Variants in HRH2 observed in about 807,000 individuals in gnomAD.
HRH2 encodes histamine receptor H2, also known as histamine H2 receptor.
A neutral mutation model predicts 20.1 loss-of-function variants in HRH2; 4 were observed. The ratio of observed to expected loss-of-function variants is 0.20; its 90% CI spans 0.10 to 0.45. HRH2 has a LOEUF of 0.45. Ranked by LOEUF, HRH2 falls within the 20% of genes least tolerant of loss-of-function variation. The probability of loss-of-function intolerance (pLI) is 0.99; values close to 1 mark genes in which losing one functional copy is unlikely to be tolerated. For synonymous variants in HRH2, 197 were observed against 200.7 expected, an observed-to-expected ratio of 0.98 and a Z score of 0.16; for missense variants, 250 against 461.6, an observed-to-expected ratio of 0.54 and a Z score of 4.20.
intron 2 of HRH2, among the ~76,000 whole-genome samples, chr5:175,705,400 A>G (rs1172777586): frequency 6.6e-6 from 1 of 152,214 alleles, no homozygotes; most frequent in Non-Finnish European, 1.5e-5. Context: ...ATTTCTTGTA[A>G]TGGTAAAAAA....
Position 175,708,727 on chromosome 5 carries a change from G to A in HRH2, c.*756G>A, listed in dbSNP as rs925408638. On this transcript the variant is annotated 3_prime_UTR_variant, in exon 3 of 3. Coordinates refer to ENST00000636584, the MANE Select transcript of HRH2 (RefSeq NM_001367711.1). ...CACTACACCACCTCTCAGGAGAGAA[G>A]GCAAATATTTCCTTGACTCAGCCAC... 1 of 152,248 alleles carries A rather than the reference G, an allele frequency of 6.6e-6. No homozygotes were observed. The highest frequency in any genetic ancestry group is 1.5e-5 in the Non-Finnish European group (1 of 68,076). The allele number at this position is 152,248 out of a possible 1,614,324, so 9.4% of individuals were successfully genotyped here. A position where few individuals can be genotyped will look rare whatever the true frequency, so the allele number is the denominator to read the frequency against.
chr5:175,664,446 G>A (rs1012378790), intron 1 of HRH2, among the ~76,000 whole-genome samples: 1 of 152,162 alleles, frequency 6.6e-6, no homozygotes, highest in Non-Finnish European at 1.5e-5. Flanking sequence ...GAGCGTCTGG[G>A]TATTCCAGAT....
chr5:175,693,127 AAG>A lies in HRH2; in HGVS notation c.1076+8823_1076+8824del, dbSNP rs1756444387. Among the ~76,000 whole-genome samples, 1 of 152,180 alleles carries A rather than the reference AAG, an allele frequency of 6.6e-6. No homozygotes were observed. Among genetic ancestry groups the A allele is most frequent in the African/African-American group, 2.4e-5 (1 of 41,446 alleles). On this transcript the variant is annotated intron_variant, in intron 2 of 2. Coordinates refer to ENST00000636584, the MANE Select transcript of HRH2 (RefSeq NM_001367711.1). This position sits in a 1 kb window ranked among gnomAD's most constrained non-coding sequence, Gnocchi z 4.4. ...TGAGTCCCAATTTCCCCATCTGTAA[AAG>A]AGAGCTAAGAATTCTGGCAGTTGTC...
intron 1 of HRH2, among the ~76,000 whole-genome samples, chr5:175,660,213 G>A (rs115103220): frequency 1.5e-3 from 235 of 152,286 alleles, no homozygotes; most frequent in African/African-American, 5.2e-3. Flanking sequence ...CCCTGATGAT[G>A]GGGAAAAGGG....
Position 175,683,178 on chromosome 5 carries a change from G to C in HRH2, c.-56G>C. 1 of 1,567,618 alleles carries C rather than the reference G, an allele frequency of 6.4e-7. No individual in the cohort carries two copies. The highest frequency in any genetic ancestry group is 8.7e-7 in the Non-Finnish European group (1 of 1,154,474). On this transcript the variant is annotated 5_prime_UTR_variant, in exon 2 of 3. Transcript: ENST00000636584. ...GGTTGGCATAGTTGTCACATTGGGAGCAGAGAAGAAGCAACCAGGGGCCCT... is the reference window on the plus strand; with the variant it reads ...GGTTGGCATAGTTGTCACATTGGGACCAGAGAAGAAGCAACCAGGGGCCCT...
chr5:175,662,523 G>T (rs1038647106), intron 1 of HRH2, among the ~76,000 whole-genome samples: 1 of 152,080 alleles, frequency 6.6e-6, no homozygotes, highest in Non-Finnish European at 1.5e-5. Context: ...GGTAGCCACA[G>T]GTGTTTACCA....
chr5:175,680,435 T>C (rs1755923760), intron 1 of HRH2, among the ~76,000 whole-genome samples: 1 of 152,208 alleles, frequency 6.6e-6, no homozygotes, highest in African/African-American at 2.4e-5. Flanking sequence ...CACTTCCTGG[T>C]GGAGGGGCTC....
chr5:175,699,461 C>T (rs1756722496), intron 2 of HRH2, among the ~76,000 whole-genome samples: 1 of 152,184 alleles, frequency 6.6e-6, no homozygotes, highest in Admixed American at 6.5e-5. Context: ...CTGCCAGTTC[C>T]CAGGATGCAG....
At chr5:175,684,677 C>A (rs1416222809) in intron 2 of HRH2, among the ~76,000 whole-genome samples, 1 of 152,214 alleles carries the variant, frequency 6.6e-6, no homozygotes, top group Admixed American at 6.5e-5. Context: ...GTTCAACCAA[C>A]CCCTCCAGGA....
At chr5:175,699,572 T>TTTTG (rs568821952) in intron 2 of HRH2, among the ~76,000 whole-genome samples, 72 of 151,276 alleles carry the variant, frequency 4.8e-4, no homozygotes, top group East Asian at 1.9e-3. Context: ...GTTGTTTTTG[T>TTTTG]TTTGTTTGTT....
intron 1 of HRH2, among the ~76,000 whole-genome samples, chr5:175,673,734 C>T (rs548596119): frequency 1.0e-3 from 149 of 145,228 alleles, no homozygotes; most frequent in African/African-American, 3.6e-3. Flanking sequence ...GACGGAGTCT[C>T]GCTGTATCAC....
intron 1 of HRH2, among the ~76,000 whole-genome samples, chr5:175,678,081 T>C (rs935807300): frequency 2.0e-5 from 3 of 152,218 alleles, no homozygotes; most frequent in African/African-American, 7.2e-5. Context: ...TACACCGTGA[T>C]ACATTCTGGC....
intron 1 of HRH2, among the ~76,000 whole-genome samples, chr5:175,669,953 A>G (rs2113486394): frequency 6.6e-6 from 1 of 152,324 alleles, no homozygotes; most frequent in East Asian, 1.9e-4. Context: ...CTGTGACTTG[A>G]TGCTGCTTTT....
In HRH2 at chr5:175,681,742, A is replaced by G. The variant is rs534234138; in HGVS notation, c.-525-967A>G. On this transcript the variant is annotated intron_variant, in intron 1 of 2. Transcript: ENST00000636584. The surrounding 1 kb of genome is among the most constrained non-coding windows in gnomAD (Gnocchi z 4.3). ...ATGCCCGTGAGAGGGTGATGTGGGG[A>G]TGATAGGATAAACCTATTCATGGTG... 1.7e-3 allele frequency among the ~76,000 whole-genome samples: 256 copies of G among 152,316 alleles called. No individual in the cohort carries two copies. The highest frequency in any genetic ancestry group is 5.8e-3 in the African/African-American group (241 of 41,576).
At chr5:175,661,523 G>A (rs1001215610) in intron 1 of HRH2, among the ~76,000 whole-genome samples, 11 of 152,152 alleles carry the variant, frequency 7.2e-5, no homozygotes, top group African/African-American at 2.4e-4. Context: ...AACAGAATTC[G>A]AACACTGGCC....
intron 1 of HRH2, among the ~76,000 whole-genome samples, chr5:175,682,144 G>T (rs1305880471): frequency 6.6e-6 from 1 of 152,224 alleles, no homozygotes; most frequent in Non-Finnish European, 1.5e-5. Context: ...CACTGCAAAG[G>T]CAGAGCCGAG....
In HRH2 at chr5:175,683,111, AAC is replaced by A; in HGVS notation, c.-122_-121del. 6.8e-5 allele frequency: 86 copies of A among 1,259,252 alleles called. No individual in the cohort carries two copies. Among genetic ancestry groups the A allele is most frequent in the Middle Eastern group, 2.7e-4 (1 of 3,692 alleles). The allele number at this position is 1,259,252 out of a possible 1,614,324, so 78.0% of individuals were successfully genotyped here. A position where few individuals can be genotyped will look rare whatever the true frequency, so the allele number is the denominator to read the frequency against. ...CTGGCCAAAAAAAAAAAAAAAAAAAAACTGGACACATTTTGGATCTGTTGGGA... is the reference window on the plus strand; with the variant it reads ...CTGGCCAAAAAAAAAAAAAAAAAAAATGGACACATTTTGGATCTGTTGGGA... On this transcript the variant is annotated 5_prime_UTR_variant, in exon 2 of 3. In the 5' UTR this introduces an upstream ATG that the reference lacks. Transcript: ENST00000636584.
chr5:175,660,753 A>G (rs530577781), intron 1 of HRH2, among the ~76,000 whole-genome samples: 84 of 152,296 alleles, frequency 5.5e-4, no homozygotes, highest in African/African-American at 1.9e-3. Context: ...TCAGGCCTAC[A>G]ATATAGACTG....
At chr5:175,658,974 C>T (rs777865920) in intron 1 of HRH2, among the ~76,000 whole-genome samples, 1 of 152,202 alleles carries the variant, frequency 6.6e-6, no homozygotes, top group Non-Finnish European at 1.5e-5. Context: ...CCCCCAGTGG[C>T]AGCTGTCATG....
Sources: gnomAD v4.1 joint callset for allele counts (sites outside exome capture counted in the v4.1 genomes callset) on GRCh38, gnomAD v4.1.1 for gene constraint, Gnocchi (gnomAD v3.1) non-coding constraint, MANE v1.5 for transcripts, NCBI Gene and HGNC (gene_info 2026-07-23, HGNC 2026-07-21) for gene names.